PCDHGB2: variants seen among roughly 807,000 people sequenced by gnomAD.
The protein encoded by PCDHGB2 is protocadherin gamma subfamily B, 2, also known as protocadherin gamma-B2.
In PCDHGB2, 55 loss-of-function variants were observed where a neutral mutation model predicts 59.3. That is an observed-to-expected ratio of 0.93 (90% CI 0.75 to 1.16). The LOEUF (loss-of-function observed/expected upper bound fraction) is 1.16. Ranked by LOEUF, PCDHGB2 falls within the 50% of genes most tolerant of loss-of-function variation. The pLI is 0.00. For missense variants in PCDHGB2, 1,228 were observed against 1,198.5 expected (o/e 1.02, Z -0.36); for synonymous variants, 516 against 512.0 (o/e 1.01, Z -0.11).
chr5:141,403,088 G>C (rs1561685667), intron 1 of PCDHGB2: 2 of 1,614,030 alleles, frequency 1.2e-6, no homozygotes, highest in Non-Finnish European at 1.7e-6. Context: ...CTATATTGTG[G>C]GCAACATCTC....
At chr5:141,488,660 G>A (rs1274725688) in intron 1 of PCDHGB2, among the ~76,000 whole-genome samples, 1 of 152,148 alleles carries the variant, frequency 6.6e-6, no homozygotes, top group East Asian at 1.9e-4. Flanking sequence ...GGGAGGGTGG[G>A]GGAATACATG....
chr5:141,376,721 C>T (rs938507888), intron 1 of PCDHGB2: 2 of 596,528 alleles, frequency 3.4e-6, no homozygotes, highest in Admixed American at 3.5e-5. Context: ...GCTCTGTCGC[C>T]CAGGCCGGAC....
intron 1 of PCDHGB2, chr5:141,370,568 G>T (rs968157637): frequency 1.9e-6 from 3 of 1,613,930 alleles, no homozygotes; most frequent in Admixed American, 1.7e-5. Flanking sequence ...GGTTTGGCGT[G>T]GGGGATTTAC....
At chr5:141,384,606 A>AGATGGT in intron 1 of PCDHGB2, 1 of 1,614,152 alleles carries the variant, frequency 6.2e-7, no homozygotes, top group Non-Finnish European at 8.5e-7. Context: ...CCCTCCCCAC[A>AGATGGT]GATGGTTCTA....
At chr5:141,442,682 T>C (rs1591733469) in intron 1 of PCDHGB2, among the ~76,000 whole-genome samples, 1 of 152,218 alleles carries the variant, frequency 6.6e-6, no homozygotes, top group East Asian at 1.9e-4. Context: ...TGAGGGACAG[T>C]AGTCAGGCAG....
intron 1 of PCDHGB2, among the ~76,000 whole-genome samples, chr5:141,482,985 C>T (rs971017271): frequency 1.3e-5 from 2 of 151,372 alleles, no homozygotes; most frequent in East Asian, 1.9e-4. Context: ...CTTGAGAGGT[C>T]GAGGCAGGAG....
intron 1 of PCDHGB2, chr5:141,394,162 C>T: frequency 6.2e-7 from 1 of 1,613,904 alleles, no homozygotes; most frequent in Non-Finnish European, 8.5e-7. Context: ...GACAACCCTC[C>T]TACTTTCCCT....
intron 2 of PCDHGB2, among the ~76,000 whole-genome samples, chr5:141,505,092 G>A (rs965653546): frequency 5.9e-5 from 9 of 152,170 alleles, no homozygotes; most frequent in African/African-American, 2.2e-4. Flanking sequence ...AACCCAGGAG[G>A]TGGATGTTGC....
chr5:141,484,960 C>A, intron 1 of PCDHGB2: 1 of 577,142 alleles, frequency 1.7e-6, no homozygotes, highest in Non-Finnish European at 3.1e-6. Flanking sequence ...TTGGCTGAGC[C>A]CGGGAGCCGC....
rs771162471 is a variant in PCDHGB2 at position 141,376,386 on chromosome 5, T to C, written c.2421+13830T>C. 3 of 1,614,116 alleles carry C rather than the reference T, an allele frequency of 1.9e-6. No homozygotes were observed. The African/African-American group carries it at 4.0e-5, about 22-fold the overall frequency. Reference sequence around the variant, plus strand: ...ACTGCAGACTCGCGTAAGAGTCATCTGATTTTCCCCCAGCCCAACTATGCC... The same window carrying C: ...ACTGCAGACTCGCGTAAGAGTCATCCGATTTTCCCCCAGCCCAACTATGCC... On this transcript the variant is annotated intron_variant, in intron 1 of 3. Coordinates refer to ENST00000522605, the MANE Select transcript of PCDHGB2 (RefSeq NM_018923.3).
At chr5:141,451,526 G>T (rs896029145) in intron 1 of PCDHGB2, among the ~76,000 whole-genome samples, 1 of 152,168 alleles carries the variant, frequency 6.6e-6, no homozygotes, top group African/African-American at 2.4e-5. Flanking sequence ...GCAAGTAAAG[G>T]AGAGTGCCAG....
In PCDHGB2 at chr5:141,477,029, A is replaced by C; in HGVS notation, c.2422-17778A>C. 6.2e-7 allele frequency: 1 copy of C among 1,614,238 alleles called. No homozygotes were observed. The highest frequency in any genetic ancestry group is 8.5e-7 in the Non-Finnish European group (1 of 1,180,040). Reference sequence around the variant, plus strand: ...CTTAGACCTTGTAACCGGGATGCTGACAATCAAGGGTCGGCTGGACTTCGA... The same window carrying C: ...CTTAGACCTTGTAACCGGGATGCTGCCAATCAAGGGTCGGCTGGACTTCGA... On this transcript the variant is annotated intron_variant, in intron 1 of 3. Transcript: ENST00000522605. This position sits in a 1 kb window ranked among gnomAD's most constrained non-coding sequence, Gnocchi z 4.9.
chr5:141,372,384 T>G, intron 1 of PCDHGB2: 1 of 1,613,990 alleles, frequency 6.2e-7, no homozygotes, highest in Non-Finnish European at 8.5e-7. Flanking sequence ...GCACCTAATC[T>G]TCGCAGATAG....
Position 141,431,628 on chromosome 5 carries a change from A to T in PCDHGB2, c.2422-63179A>T, listed in dbSNP as rs1204083567. The T allele has an allele frequency of 6.2e-7, 1 of 1,614,138 alleles. No individual in the cohort carries two copies. Among genetic ancestry groups the T allele is most frequent in the Non-Finnish European group, 8.5e-7 (1 of 1,180,058 alleles). ...CGGTATGTGGACGACAAGGCGGCCC[A>T]AGTTTTCAAACTAGATTGTAATTCA... On this transcript the variant is annotated intron_variant, in intron 1 of 3. Coordinates refer to ENST00000522605, the MANE Select transcript of PCDHGB2 (RefSeq NM_018923.3). The surrounding 1 kb of genome is among the most constrained non-coding windows in gnomAD (Gnocchi z 4.8).
intron 1 of PCDHGB2, chr5:141,410,799 C>A: frequency 1.8e-6 from 1 of 560,610 alleles, no homozygotes; most frequent in Non-Finnish European, 2.6e-6. Flanking sequence ...ATAAGTTGCT[C>A]TATCTTTTTG....
At chr5:141,409,876 C>G in intron 1 of PCDHGB2, 1 of 1,612,874 alleles carries the variant, frequency 6.2e-7, no homozygotes, top group East Asian at 2.2e-5. Flanking sequence ...GCAATGACAA[C>G]GCACCGCGGG....
At chr5:141,384,536 T>C (rs751421323) in intron 1 of PCDHGB2, 1 of 1,614,204 alleles carries the variant, frequency 6.2e-7, no homozygotes, top group Non-Finnish European at 8.5e-7. Flanking sequence ...AGCAGCAACA[T>C]GTCACTGAGC....
rs771759945 is a variant in PCDHGB2, at chr5:141,405,371, G to A, written c.2421+42815G>A. 49 of 1,598,874 alleles carry A rather than the reference G, an allele frequency of 3.1e-5. No individual in the cohort carries two copies. The highest frequency in any genetic ancestry group is 3.7e-5 in the Non-Finnish European group (43 of 1,176,096). ...GTTTCCTATAGAAGACACCCCTTTG[G>A]TTCCGGTGAGTTCATTTTTTTTCTT... On this transcript the variant is annotated intron_variant, in intron 1 of 3. Transcript: ENST00000522605.
At chr5:141,427,693 C>G in intron 1 of PCDHGB2, 1 of 909,726 alleles carries the variant, frequency 1.1e-6, no homozygotes, top group Non-Finnish European at 1.8e-6. Flanking sequence ...GCCTCCATCC[C>G]ACAAGTCAGC....
Sources: allele counts gnomAD v4.1 joint callset (sites outside exome capture counted in the v4.1 genomes callset), GRCh38; gene constraint gnomAD v4.1.1; non-coding constraint Gnocchi (gnomAD v3.1); transcripts MANE v1.5; gene names NCBI Gene and HGNC (gene_info 2026-07-23, HGNC 2026-07-21).